CNTN1: variants seen among roughly 807,000 people sequenced by gnomAD.
CNTN1 encodes contactin-1.
In CNTN1, 38 loss-of-function variants were observed where a neutral mutation model predicts 126.4. The observed-to-expected ratio is 0.30, with a 90% CI of 0.23 to 0.39. The LOEUF is 0.39. CNTN1 is among the 10% of genes least tolerant of loss of function. The probability of loss-of-function intolerance (pLI) is 1.00; values close to 1 mark genes in which losing one functional copy is unlikely to be tolerated. For synonymous variants in CNTN1, 413 were observed against 422.6 expected (o/e 0.98, Z 0.28); for missense variants, 1,009 against 1,248.4 (o/e 0.81, Z 2.89).
At chr12:41,054,495 TAATTCTCTCCTCATTTTA>T (rs1333215751) in intron 23 of CNTN1, among the ~76,000 whole-genome samples, 1 of 152,008 alleles carries the variant, frequency 6.6e-6, no homozygotes, top group Non-Finnish European at 1.5e-5. Context: ...AGAGAAATGG[TAATTCTCTCCTCATTTTA>T]AACATAAACA....
Position 40,752,940 on chromosome 12 carries a change from C to G in CNTN1, c.-77+60348C>G, listed in dbSNP as rs1938459183. 2.0e-5 allele frequency among the ~76,000 whole-genome samples: 3 copies of G among 152,110 alleles called. No individual in the cohort carries two copies. In the South Asian group the frequency reaches 6.2e-4, roughly 32 times the overall value. On this transcript the variant is annotated intron_variant, in intron 1 of 23. Coordinates refer to ENST00000551295, the MANE Select transcript of CNTN1 (RefSeq NM_001843.4). ...AAGTTTAAAAATATTCTGTGACTGC[C>G]CAAGCTACATGATTGGAATGTAGAA...
At chr12:40,965,306 CA>C (rs951143929) in intron 15 of CNTN1, among the ~76,000 whole-genome samples, 1 of 152,086 alleles carries the variant, frequency 6.6e-6, no homozygotes, top group Non-Finnish European at 1.5e-5. Context: ...TACATGGTGG[CA>C]AACAATAATC....
chr12:41,023,611 G>C (rs1948974285), intron 20 of CNTN1, among the ~76,000 whole-genome samples: 1 of 152,118 alleles, frequency 6.6e-6, no homozygotes, highest in Non-Finnish European at 1.5e-5. Context: ...AGGCTACCAG[G>C]AATAATGAAT....
At chr12:40,838,969 T>G (rs1430035571) in intron 1 of CNTN1, among the ~76,000 whole-genome samples, 1 of 151,988 alleles carries the variant, frequency 6.6e-6, no homozygotes, top group African/African-American at 2.4e-5. Flanking sequence ...AATATTTATT[T>G]TTCAAACACT....
At chr12:40,951,572 G>A (rs1195413797) in intron 14 of CNTN1, among the ~76,000 whole-genome samples, 1 of 151,716 alleles carries the variant, frequency 6.6e-6, no homozygotes, top group Non-Finnish European at 1.5e-5. Flanking sequence ...GGCCTAGGGT[G>A]GTGGTGCACA....
intron 1 of CNTN1, among the ~76,000 whole-genome samples, chr12:40,739,203 A>C (rs1209858176): frequency 6.6e-6 from 1 of 152,072 alleles, no homozygotes; most frequent in African/African-American, 2.4e-5. Flanking sequence ...GAGCATATTA[A>C]TTTTAATCTT....
chr12:40,853,100 T>A (rs374108118), intron 1 of CNTN1, among the ~76,000 whole-genome samples: 1 of 152,122 alleles, frequency 6.6e-6, no homozygotes, highest in South Asian at 2.1e-4. Context: ...AAAAACAATA[T>A]GTAAGAAATT....
At chr12:40,775,011 A>G (rs968923834) in intron 1 of CNTN1, among the ~76,000 whole-genome samples, 1 of 151,506 alleles carries the variant, frequency 6.6e-6, no homozygotes, top group Non-Finnish European at 1.5e-5. Context: ...GAGCATTCCA[A>G]TTCAACTGGC....
chr12:40,892,394 T>C (rs1473663850), intron 1 of CNTN1, among the ~76,000 whole-genome samples: 1 of 152,090 alleles, frequency 6.6e-6, no homozygotes, highest in East Asian at 1.9e-4. Context: ...CCAGGAAGTT[T>C]CTCATTCTAA....
At chr12:40,993,364 G>C (rs1948138056) in intron 17 of CNTN1, 95 bp downstream of exon 17, 1 of 1,043,556 alleles carries the variant, frequency 9.6e-7, no homozygotes, top group African/African-American at 1.6e-5. Context: ...AATGCTCTGA[G>C]GTAAGTGATT....
intron 3 of CNTN1, among the ~76,000 whole-genome samples, chr12:40,912,402 GA>G (rs11329660): frequency 0.43 from 62,432 of 145,964 alleles, 13,184 homozygotes; most frequent in African/African-American, 0.51. Context: ...CTTTCAGAAA[GA>G]AAAAAAAAAA....
At chr12:40,954,614 ACC>A (rs1566029073) in intron 14 of CNTN1, among the ~76,000 whole-genome samples, 1 of 152,140 alleles carries the variant, frequency 6.6e-6, no homozygotes, top group Non-Finnish European at 1.5e-5. Context: ...CACTTCTGAC[ACC>A]AACTGCAAGT....
In CNTN1 at chr12:40,980,917, G is replaced by A. The variant is rs1172211353; in HGVS notation, c.1813G>A (p.Gly605Ser). 26 of 1,613,792 alleles carry A rather than the reference G, an allele frequency of 1.6e-5. No individual in the cohort carries two copies. Among genetic ancestry groups the A allele is most frequent in the Non-Finnish European group, 2.1e-5 (25 of 1,179,890 alleles). Residue 605 changes from glycine (G) to serine (S), a missense_variant, in exon 16 of 24, where the codon GGC becomes AGC. Gly to Ser is a moderately conservative substitution (Grantham distance 56, BLOSUM62 0). Coordinates refer to ENST00000551295, the MANE Select transcript of CNTN1 (RefSeq NM_001843.4). ...SADLVVRGPP[G>S]PPGGLRIEDI... Reference sequence around the variant, plus strand: ...CCACATTTTCATTTCAGGCCCTCCAGGCCCTCCAGGTGGTCTGAGAATAGA... The same window carrying A: ...CCACATTTTCATTTCAGGCCCTCCAAGCCCTCCAGGTGGTCTGAGAATAGA...
intron 1 of CNTN1, among the ~76,000 whole-genome samples, chr12:40,793,635 G>A (rs1312244778): frequency 2.0e-5 from 3 of 152,002 alleles, no homozygotes; most frequent in African/African-American, 7.2e-5. Context: ...CATAAGCCAA[G>A]CTGTGTCATC....
intron 1 of CNTN1, among the ~76,000 whole-genome samples, chr12:40,819,777 G>T (rs1476859208): frequency 6.6e-6 from 1 of 152,200 alleles, no homozygotes; most frequent in Non-Finnish European, 1.5e-5. Flanking sequence ...CTGGGATTGG[G>T]ACACTAGGCT....
chr12:41,051,882 C>T (rs1486007628), intron 23 of CNTN1, among the ~76,000 whole-genome samples: 1 of 146,224 alleles, frequency 6.8e-6, no homozygotes, highest in South Asian at 2.1e-4. Context: ...TCCTAACATC[C>T]ACCCCACACA....
chr12:40,920,828 C>A (rs1396968163), intron 4 of CNTN1, among the ~76,000 whole-genome samples: 1 of 152,176 alleles, frequency 6.6e-6, no homozygotes, highest in Non-Finnish European at 1.5e-5. Context: ...TAGCAATAGT[C>A]TATGTTTCTG....
chr12:40,768,220 G>A (rs1296922205), intron 1 of CNTN1, among the ~76,000 whole-genome samples: 1 of 152,190 alleles, frequency 6.6e-6, no homozygotes, highest in African/African-American at 2.4e-5. Context: ...TGAAGTGGAT[G>A]TCAGTAATGT....
chr12:40,755,297 T>C (rs1402157233), intron 1 of CNTN1, among the ~76,000 whole-genome samples: 1 of 151,726 alleles, frequency 6.6e-6, no homozygotes, highest in African/African-American at 2.4e-5. Flanking sequence ...AAAAATACTT[T>C]TTCATTTTCT....
Sources: allele counts gnomAD v4.1 joint callset (sites outside exome capture counted in the v4.1 genomes callset), GRCh38; gene constraint gnomAD v4.1.1; transcripts MANE v1.5; gene names NCBI Gene and HGNC (gene_info 2026-07-23, HGNC 2026-07-21).